Variants in CHST1 observed in about 807,000 individuals in gnomAD.
The protein encoded by CHST1 is carbohydrate sulfotransferase 1, also known as Keratan sulfotransferase.
CHST1 carries 10 observed loss-of-function variants against 22.5 expected under a neutral mutation model. The observed-to-expected ratio is 0.44, with a 90% confidence interval of 0.27 to 0.75. The LOEUF (loss-of-function observed/expected upper bound fraction) is 0.75, where lower values mean the gene tolerates loss of function less well. Ranked by LOEUF, CHST1 falls within the 30% of genes least tolerant of loss-of-function variation. The pLI is 0.15. For synonymous variants in CHST1, 267 were observed against 264.5 expected, an observed-to-expected ratio of 1.01 and a Z score of -0.09; for missense variants, 439 against 576.1, an observed-to-expected ratio of 0.76 and a Z score of 2.44.
chr11:45,662,411 CT>C (rs1317632596), intron 1 of CHST1, among the ~76,000 whole-genome samples: 1 of 152,198 alleles, frequency 6.6e-6, no homozygotes, highest in East Asian at 1.9e-4. Flanking sequence ...GTGCCAGGCC[CT>C]CAGGAACCTG....
In CHST1 at chr11:45,647,689, T is replaced by C. The variant is rs2120307801; in HGVS notation, c.*1999A>G. On this transcript the variant is annotated 3_prime_UTR_variant, in exon 4 of 4. Transcript: ENST00000308064. ...AAATGAGCAAAATTACAGAGCTGGA[T>C]GGTGGCACACGTTGTGAATGTATTT... is the stretch of plus-strand genomic sequence containing the variant. Among the ~76,000 whole-genome samples the C allele has an allele frequency of 6.6e-6, 1 of 152,326 alleles. No individual in the cohort carries two copies. The highest frequency in any genetic ancestry group is 6.5e-5 in the Admixed American group (1 of 15,306).
In CHST1 at chr11:45,649,732, A is replaced by T; in HGVS notation, c.1192T>A (p.Ser398Thr). The change falls in exon 4 of 4, where the codon TCG becomes ACG. Residue 398 changes from serine (S) to threonine (T), a missense_variant. Ser to Thr is a moderately conservative substitution (Grantham distance 58, BLOSUM62 1). Coordinates refer to ENST00000308064, the MANE Select transcript of CHST1 (RefSeq NM_003654.6). ...TCCCGCTCCTCCACCAGGCTGACCG[A>T]GGGGTTCTTCAGCTCCTCCTCCGAG... ...AASEEELKNP[S>T]VSLVEERDFR... is the part of the protein sequence containing the mutation. 1 of 1,604,812 alleles carries T rather than the reference A, an allele frequency of 6.2e-7. No homozygotes were observed.
chr11:45,655,541 G>C (rs932926069), intron 1 of CHST1, among the ~76,000 whole-genome samples: 2 of 152,270 alleles, frequency 1.3e-5, no homozygotes, highest in Non-Finnish European at 2.9e-5. Flanking sequence ...GCCAGCGGGA[G>C]GTGATGTTGC....
chr11:45,658,711 C>T (rs2120346330), intron 1 of CHST1, among the ~76,000 whole-genome samples: 1 of 152,308 alleles, frequency 6.6e-6, no homozygotes, highest in East Asian at 1.9e-4. Flanking sequence ...TTCCCTGTCT[C>T]AGGCCAGTCC....
rs1268926214 is a variant in CHST1 at position 45,649,316 on chromosome 11, T to A, written c.*372A>T. The A allele has an allele frequency of 4.1e-6, 1 of 243,450 alleles. No individual in the cohort carries two copies. The highest frequency in any genetic ancestry group is 7.9e-6 in the Non-Finnish European group (1 of 126,832). 15.1% of individuals were successfully genotyped at this position (243,450 alleles called of 1,614,324 possible). A position where few individuals can be genotyped will look rare whatever the true frequency, so the allele number is the denominator to read the frequency against. ...ATAGTAAGACAGTGCAAAAACTAGA[T>A]ACCCGACCACTCACCCATTCAAAAG... On this transcript the variant is annotated 3_prime_UTR_variant, in exon 4 of 4. Coordinates refer to ENST00000308064, the MANE Select transcript of CHST1 (RefSeq NM_003654.6).
Position 45,649,830 on chromosome 11 carries a change from G to C in CHST1, c.1094C>G (p.Ser365Cys), listed in dbSNP as rs752547820. ...CTGGGCAAAGGCCACGATGTCGTAG[G>C]AGAGGCGGAAGCGCCACTTCTCGGC... ...ATAEKWRFRL[S>C]YDIVAFAQNA... The change falls in exon 4 of 4, where the codon TCC becomes TGC. Residue 365 changes from serine (S) to cysteine (C), a missense_variant. Transcript: ENST00000308064. 1 of 1,611,458 alleles carries C rather than the reference G, an allele frequency of 6.2e-7. No individual in the cohort carries two copies. Among genetic ancestry groups the C allele is most frequent in the Non-Finnish European group, 8.5e-7 (1 of 1,179,966 alleles).
intron 1 of CHST1, among the ~76,000 whole-genome samples, chr11:45,658,660 G>A (rs4148894): frequency 0.5 from 75,786 of 151,866 alleles, 21,040 homozygotes; most frequent in East Asian, 0.83. Context: ...GCCCCAGTGT[G>A]CCCAGCTCCT....
chr11:45,649,934 G>T lies in CHST1; in HGVS notation c.990C>A (p.Arg330=). The part of the protein sequence containing the change: ...LGIPLDSHVA[R]WIQNNTRGDP... Reference sequence around the variant, plus strand: ...CGCCCCGCGTGTTGTTCTGGATCCAGCGGGCCACGTGGCTGTCCAGCGGGA... The same window carrying T: ...CGCCCCGCGTGTTGTTCTGGATCCATCGGGCCACGTGGCTGTCCAGCGGGA... Residue 330 remains arginine, a synonymous_variant, in exon 4 of 4, where the codon CGC becomes CGA. Coordinates refer to ENST00000308064, the MANE Select transcript of CHST1 (RefSeq NM_003654.6). The T allele has an allele frequency of 6.2e-7, 1 of 1,613,158 alleles. No homozygotes were observed. Among genetic ancestry groups the T allele is most frequent in the Non-Finnish European group, 8.5e-7 (1 of 1,180,028 alleles).
Position 45,649,946 on chromosome 11 carries a change from G to C in CHST1, c.978C>G (p.Ser326Arg). ...IYGFLGIPLD[S>R]HVARWIQNNT... ...TGTTCTGGATCCAGCGGGCCACGTG[G>C]CTGTCCAGCGGGATGCCCAGGAACC... The change falls in exon 4 of 4, where the codon AGC becomes AGG. Residue 326 changes from serine (S) to arginine (R), a missense_variant. Transcript: ENST00000308064. 1 of 1,613,352 alleles carries C rather than the reference G, an allele frequency of 6.2e-7. No homozygotes were observed. Among genetic ancestry groups the C allele is most frequent in the Non-Finnish European group, 8.5e-7 (1 of 1,180,028 alleles).
intron 1 of CHST1, 125 bp from the exon 2 acceptor site, chr11:45,652,731 C>G (rs1392883883): frequency 6.6e-6 from 1 of 152,318 alleles, no homozygotes; most frequent in Admixed American, 6.5e-5. Context: ...AGCCCCTTCC[C>G]TGCATCAGCT....
At chr11:45,654,899 A>G (rs1423459081) in intron 1 of CHST1, among the ~76,000 whole-genome samples, 1 of 152,180 alleles carries the variant, frequency 6.6e-6, no homozygotes, top group Admixed American at 6.5e-5. Flanking sequence ...CCCCTGAACC[A>G]TGCCTACCTG....
At chr11:45,657,245 G>A (rs1852073667) in intron 1 of CHST1, among the ~76,000 whole-genome samples, 1 of 152,086 alleles carries the variant, frequency 6.6e-6, no homozygotes, top group South Asian at 2.1e-4. Flanking sequence ...TTTTAGTTAA[G>A]GCTAAAATGC....
chr11:45,649,705 A>AGGGG lies in CHST1; in HGVS notation c.1218_1219insCCCC (p.Phe407ProfsTer23). 6.3e-7 allele frequency: 1 copy of AGGGG among 1,579,950 alleles called. No homozygotes were observed. The highest frequency in any genetic ancestry group is 8.6e-7 in the Non-Finnish European group (1 of 1,165,234). On this transcript the variant is annotated frameshift_variant, in exon 4 of 4. Transcript: ENST00000308064. LOFTEE classifies it high-confidence loss of function. ...CGCCCGGGTCACGAGAAGGGGCGGA[A>AGGGG]GTCCCGCTCCTCCACCAGGCTGACC...
chr11:45,650,755 G>T lies in CHST1; in HGVS notation c.169C>A (p.Leu57Ile), dbSNP rs750018576. The T allele has an allele frequency of 1.7e-5, 27 of 1,614,044 alleles. No homozygotes were observed. Among genetic ancestry groups the T allele is most frequent in the Non-Finnish European group, 2.3e-5 (27 of 1,180,020 alleles). ...CEESPTFAYN[L>I]SRKTHILILA... is the part of the protein sequence containing the mutation. ...ATGAGGATGTGGGTCTTGCGGGAGAGGTTGTAGGCGAAGGTGGGGCTCTCC... is the reference window on the plus strand; with the variant it reads ...ATGAGGATGTGGGTCTTGCGGGAGATGTTGTAGGCGAAGGTGGGGCTCTCC... Residue 57 changes from leucine (L) to isoleucine (I), a missense_variant, in exon 4 of 4, where the codon CTC (leucine) becomes ATC (isoleucine). Transcript: ENST00000308064.
intron 1 of CHST1, among the ~76,000 whole-genome samples, chr11:45,657,182 G>A (rs1177273320): frequency 6.6e-6 from 1 of 152,186 alleles, no homozygotes; most frequent in Non-Finnish European, 1.5e-5. Context: ...ACTGCAGAGG[G>A]GAAATGCTTA....
intron 1 of CHST1, among the ~76,000 whole-genome samples, chr11:45,653,499 C>G (rs1045260850): frequency 6.7e-6 from 1 of 149,782 alleles, no homozygotes; most frequent in African/African-American, 2.4e-5. Context: ...GGCCAGGTAT[C>G]CAGGGAGAAA....
intron 3 of CHST1, 113 bp downstream of exon 3, chr11:45,651,880 G>A (rs888128289): frequency 2.6e-5 from 4 of 152,524 alleles, no homozygotes; most frequent in African/African-American, 4.8e-5. Context: ...CCGGGGCCAG[G>A]AGCCCACCTG....
chr11:45,660,485 A>C (rs1205241300), intron 1 of CHST1, among the ~76,000 whole-genome samples: 2 of 152,232 alleles, frequency 1.3e-5, no homozygotes, highest in Non-Finnish European at 2.9e-5. Flanking sequence ...GGTGAAACCC[A>C]GACCTTGAGT....
intron 1 of CHST1, among the ~76,000 whole-genome samples, chr11:45,659,800 C>T (rs1852106736): frequency 6.6e-6 from 1 of 152,184 alleles, no homozygotes; most frequent in East Asian, 1.9e-4. Flanking sequence ...CAAAAAGACA[C>T]CAACGAATGT....
Sources: gnomAD v4.1 joint callset for allele counts (sites outside exome capture counted in the v4.1 genomes callset) on GRCh38, gnomAD v4.1.1 for gene constraint, MANE v1.5 for transcripts, NCBI Gene and HGNC (gene_info 2026-07-23, HGNC 2026-07-21) for gene names.